Variants in AGBL4 observed in about 807,000 individuals in gnomAD.
The protein encoded by AGBL4 is AGBL carboxypeptidase 4.
In AGBL4, 58 loss-of-function variants were observed where a neutral mutation model predicts 66.4. The ratio of observed to expected loss-of-function variants is 0.87; its 90% CI spans 0.71 to 1.09. The LOEUF (loss-of-function observed/expected upper bound fraction) is 1.09, where lower values mean the gene tolerates loss of function less well. AGBL4 is among the 50% of genes least tolerant of loss of function. The probability of loss-of-function intolerance (pLI) is 0.00; values close to 1 mark genes in which losing one functional copy is unlikely to be tolerated. For synonymous variants in AGBL4, 234 were observed against 222.9 expected (o/e 1.05, Z -0.44); for missense variants, 579 against 631.0 (o/e 0.92, Z 0.88).
At chr1:48,648,290 C>A (rs954707328) in intron 8 of AGBL4, among the ~76,000 whole-genome samples, 1 of 152,154 alleles carries the variant, frequency 6.6e-6, no homozygotes, top group Non-Finnish European at 1.5e-5. Flanking sequence ...ACTTGAAGAA[C>A]GTCATGTAAG....
chr1:49,070,443 G>C (rs1466984266), intron 4 of AGBL4, among the ~76,000 whole-genome samples: 3 of 151,842 alleles, frequency 2.0e-5, no homozygotes, highest in Admixed American at 6.6e-5. Flanking sequence ...TAGCATGAAG[G>C]GCTGTTGAAT....
rs1011189248 is a variant in AGBL4, at chr1:49,484,104, C to T, written c.282+213209G>A. ...TCCAAGAGTCAGGCAATAACAAATG[C>T]AAGTGAGGATGTGGAAGAAAGAGAT... On this transcript the variant is annotated intron_variant, in intron 3 of 13. Transcript: ENST00000371839. Among the ~76,000 whole-genome samples, 5 of 151,794 alleles carry T rather than the reference C, an allele frequency of 3.3e-5. No homozygotes were observed. In the East Asian group the frequency reaches 9.7e-4, roughly 29 times the overall value.
At chr1:49,037,240 T>C (rs1664739357) in intron 5 of AGBL4, among the ~76,000 whole-genome samples, 1 of 152,024 alleles carries the variant, frequency 6.6e-6, no homozygotes, top group Admixed American at 6.6e-5. Flanking sequence ...TTTTCTTATG[T>C]CATTCCTATT....
intron 3 of AGBL4, among the ~76,000 whole-genome samples, chr1:49,348,569 G>T (rs1453876054): frequency 6.6e-6 from 1 of 152,254 alleles, no homozygotes; most frequent in African/African-American, 2.4e-5. Context: ...AATTCTAGCT[G>T]CTACCAGAAG....
At chr1:49,260,248 C>T (rs1652994265) in intron 3 of AGBL4, among the ~76,000 whole-genome samples, 1 of 150,310 alleles carries the variant, frequency 6.7e-6, no homozygotes, top group African/African-American at 2.5e-5. Flanking sequence ...ATTAAAAGAA[C>T]TAGAAAAGCA....
chr1:49,421,251 C>G lies in AGBL4; in HGVS notation c.283-175387G>C, dbSNP rs568658579. The stretch of plus-strand genomic sequence containing the variant: ...TCATTGTTGGCCATTCATTCATATG[C>G]TCAAGTACAAGCACTTGATTTCAAG... On this transcript the variant is annotated intron_variant, in intron 3 of 13. Transcript: ENST00000371839. Among the ~76,000 whole-genome samples the G allele has an allele frequency of 3.6e-4, 55 of 152,228 alleles. No individual in the cohort carries two copies. The South Asian group carries it at 0.011, about 31-fold the overall frequency.
At chr1:49,288,788 T>C (rs933590927) in intron 3 of AGBL4, among the ~76,000 whole-genome samples, 1 of 152,066 alleles carries the variant, frequency 6.6e-6, no homozygotes, top group Non-Finnish European at 1.5e-5. Flanking sequence ...GCCCTTGGAG[T>C]AAGGGCAAGC....
intron 4 of AGBL4, among the ~76,000 whole-genome samples, chr1:49,205,379 G>A (rs1648049841): frequency 6.6e-6 from 1 of 151,880 alleles, no homozygotes; most frequent in South Asian, 2.1e-4. Context: ...CTCACTTAAC[G>A]GTCTTGTTCC....
At chr1:49,048,459 T>C (rs1644133797) in intron 4 of AGBL4, 1 of 152,120 alleles carries the variant, frequency 6.6e-6, no homozygotes, top group Admixed American at 6.6e-5. Context: ...GTAGAGCTAA[T>C]GGGCTCTAGG....
intron 6 of AGBL4, among the ~76,000 whole-genome samples, chr1:48,822,771 T>C (rs1646344322): frequency 6.6e-6 from 1 of 152,234 alleles, no homozygotes; most frequent in Non-Finnish European, 1.5e-5. Flanking sequence ...CATAATTGCA[T>C]GGCCCAGTTC....
At chr1:49,422,907 C>A (rs1488651013) in intron 3 of AGBL4, among the ~76,000 whole-genome samples, 1 of 152,156 alleles carries the variant, frequency 6.6e-6, no homozygotes, top group Non-Finnish European at 1.5e-5. Flanking sequence ...TCTCTAAACT[C>A]AAATTCCTTT....
intron 6 of AGBL4, 151 bp downstream of exon 6, chr1:48,867,040 T>C: frequency 1.2e-6 from 1 of 862,814 alleles, no homozygotes; most frequent in Non-Finnish European, 1.9e-6. Context: ...GAGCAGAGGG[T>C]AGGGGAGGAG....
intron 2 of AGBL4, among the ~76,000 whole-genome samples, chr1:49,815,652 T>C (rs1345759456): frequency 6.6e-6 from 1 of 152,124 alleles, no homozygotes; most frequent in Non-Finnish European, 1.5e-5. Flanking sequence ...GGGGGTCCCT[T>C]TTTTCCACAT....
intron 7 of AGBL4, among the ~76,000 whole-genome samples, chr1:48,654,657 C>A (rs1043333306): frequency 6.6e-6 from 1 of 152,180 alleles, no homozygotes; most frequent in Non-Finnish European, 1.5e-5. Context: ...AGGAGGAAGG[C>A]AGCAGGGTGA....
At chr1:49,977,163 C>T (rs1658631414) in intron 1 of AGBL4, among the ~76,000 whole-genome samples, 2 of 152,146 alleles carry the variant, frequency 1.3e-5, no homozygotes, top group South Asian at 4.1e-4. Context: ...TCCCATCTTC[C>T]ATGAGCTTCA....
chr1:48,766,234 G>T (rs1243320057), intron 6 of AGBL4, among the ~76,000 whole-genome samples: 1 of 151,970 alleles, frequency 6.6e-6, no homozygotes, highest in African/African-American at 2.4e-5. Flanking sequence ...CAAAAAAGAA[G>T]AAATGAGGCT....
At chr1:49,024,145 G>T (rs1025415080) in intron 5 of AGBL4, among the ~76,000 whole-genome samples, 5 of 152,134 alleles carry the variant, frequency 3.3e-5, no homozygotes, top group African/African-American at 9.6e-5. Flanking sequence ...GATAATCATA[G>T]ATAGTGTATC....
chr1:48,641,894 G>C (rs908967111), intron 8 of AGBL4, among the ~76,000 whole-genome samples: 1 of 152,164 alleles, frequency 6.6e-6, no homozygotes, highest in Admixed American at 6.5e-5. Context: ...GTGAGAGGTA[G>C]ATGCAATATC....
At chr1:48,865,113 C>A (rs964877140) in intron 6 of AGBL4, among the ~76,000 whole-genome samples, 1 of 152,050 alleles carries the variant, frequency 6.6e-6, no homozygotes, top group African/African-American at 2.4e-5. Flanking sequence ...TCAGACAAGC[C>A]AGTACCTCCT....
Sources: gnomAD v4.1 joint callset for allele counts (sites outside exome capture counted in the v4.1 genomes callset) on GRCh38, gnomAD v4.1.1 for gene constraint, MANE v1.5 for transcripts, NCBI Gene and HGNC (gene_info 2026-07-23, HGNC 2026-07-21) for gene names.